Variants in CDK5RAP2 observed in about 807,000 individuals in gnomAD.
CDK5RAP2 encodes CDK5 regulatory subunit-associated protein 2.
A neutral mutation model predicts 232.9 loss-of-function variants in CDK5RAP2; 147 were observed. The ratio of observed to expected loss-of-function variants is 0.63; its 90% CI spans 0.55 to 0.72. The LOEUF is 0.72. CDK5RAP2 is among the 30% of genes least tolerant of loss of function. CDK5RAP2 has a pLI of 0.00. For synonymous variants in CDK5RAP2, 833 were observed against 833.7 expected (o/e 1.00, Z 0.01); for missense variants, 2,195 against 2,231.5 (o/e 0.98, Z 0.33).
chr9:120,558,409 T>C (rs1247188432), intron 3 of CDK5RAP2, among the ~76,000 whole-genome samples: 2 of 146,534 alleles, frequency 1.4e-5, no homozygotes, highest in Non-Finnish European at 3.0e-5. Flanking sequence ...AAGAATTTCT[T>C]TAAGGCAGTG....
chr9:120,493,774 G>C (rs772578823), intron 12 of CDK5RAP2, among the ~76,000 whole-genome samples: 1 of 152,098 alleles, frequency 6.6e-6, no homozygotes, highest in East Asian at 1.9e-4. Context: ...AAATTACATG[G>C]GGTAAAAAAA....
At chr9:120,412,887 G>A (rs2033936988) in intron 28 of CDK5RAP2, among the ~76,000 whole-genome samples, 2 of 152,224 alleles carry the variant, frequency 1.3e-5, no homozygotes, top group South Asian at 4.1e-4. Flanking sequence ...TACTCACTAT[G>A]TCTCACCCCA....
intron 28 of CDK5RAP2, among the ~76,000 whole-genome samples, chr9:120,413,979 G>A (rs1354067922): frequency 6.6e-6 from 1 of 152,202 alleles, no homozygotes; most frequent in East Asian, 1.9e-4. Context: ...CTGGACAAGG[G>A]TCCAAGGACT....
chr9:120,491,216 C>A (rs953034606), intron 13 of CDK5RAP2, 91 bp downstream of exon 13: 2 of 986,510 alleles, frequency 2.0e-6, no homozygotes. Flanking sequence ...GCAATGATTA[C>A]TGTAATCATA....
chr9:120,484,663 G>C (rs997640930), intron 14 of CDK5RAP2, among the ~76,000 whole-genome samples: 2 of 152,120 alleles, frequency 1.3e-5, no homozygotes, highest in African/African-American at 4.8e-5. Flanking sequence ...GGCGGAGGTT[G>C]CAGTGTGCCA....
At chr9:120,432,891 T>C (rs1011497979) in intron 25 of CDK5RAP2, among the ~76,000 whole-genome samples, 1 of 152,236 alleles carries the variant, frequency 6.6e-6, no homozygotes, top group Non-Finnish European at 1.5e-5. Context: ...GCCTGGAAGA[T>C]ACGGCTTTAT....
chr9:120,511,018 C>CT (rs2040055524), intron 12 of CDK5RAP2, among the ~76,000 whole-genome samples: 1 of 152,198 alleles, frequency 6.6e-6, no homozygotes, highest in Admixed American at 6.5e-5. Flanking sequence ...TCACTGCAAT[C>CT]ACAGGCAATT....
chr9:120,430,338 G>A (rs1457745470), intron 25 of CDK5RAP2, among the ~76,000 whole-genome samples: 2 of 151,878 alleles, frequency 1.3e-5, no homozygotes, highest in African/African-American at 2.4e-5. Context: ...TACAAAATGG[G>A]AGAAAATTTT....
At chr9:120,558,978 G>A (rs918240318) in intron 3 of CDK5RAP2, among the ~76,000 whole-genome samples, 14 of 152,212 alleles carry the variant, frequency 9.2e-5, no homozygotes, top group South Asian at 4.1e-4. Context: ...CACAGTAGAC[G>A]TTCAACAAAT....
intron 15 of CDK5RAP2, among the ~76,000 whole-genome samples, chr9:120,473,569 T>C (rs185716184): frequency 6.2e-4 from 94 of 152,346 alleles, no homozygotes; most frequent in Non-Finnish European, 1.1e-3. Flanking sequence ...TGTCTAATCT[T>C]CTATGCTTGC....
intron 12 of CDK5RAP2, among the ~76,000 whole-genome samples, chr9:120,518,204 T>TGAGA (rs1436096356): frequency 3.7e-5 from 4 of 107,264 alleles, no homozygotes; most frequent in African/African-American, 1.6e-4. Flanking sequence ...TGTGTGTGTG[T>TGAGA]GTGTGTGAGA....
At chr9:120,449,781 T>C (rs1312090974) in intron 21 of CDK5RAP2, among the ~76,000 whole-genome samples, 1 of 152,212 alleles carries the variant, frequency 6.6e-6, no homozygotes, top group Non-Finnish European at 1.5e-5. Flanking sequence ...TCAACATCAT[T>C]AGTCACCAAG....
intron 36 of CDK5RAP2, 100 bp from the exon 37 acceptor site, chr9:120,389,887 T>G: frequency 9.4e-7 from 1 of 1,069,030 alleles, no homozygotes; most frequent in Admixed American, 1.8e-5. Flanking sequence ...CCCAAAGGGC[T>G]CGGACATGTA....
At position 120,470,185 on chromosome 9, in the gene CDK5RAP2, A is replaced by G. The variant is rs571979787; in HGVS notation, c.1894T>C (p.Tyr632His). ...TTTTCTTCAAGGCAAATACTTAGAT[A>G]AGATGTTTGATCACTATAAAGTGAA... ...SFSLYSDQTS[Y>H]LSICLEENNR... The change falls in exon 17 of 38, where the codon TAT (tyrosine) becomes CAT (histidine). Residue 632 changes from tyrosine to histidine, a missense_variant. Transcript: ENST00000349780. 2 of 1,592,984 alleles carry G rather than the reference A, an allele frequency of 1.3e-6. No individual in the cohort carries two copies. The highest frequency in any genetic ancestry group is 1.7e-5 in the Admixed American group (1 of 59,186).
intron 23 of CDK5RAP2, 34 bp from the exon 24 acceptor site, chr9:120,440,006 T>C: frequency 6.3e-7 from 1 of 1,587,804 alleles, no homozygotes; most frequent in South Asian, 1.1e-5. Context: ...CAGTATCTCT[T>C]TTACTAAAAT....
At chr9:120,560,868 T>G (rs1253978557) in intron 3 of CDK5RAP2, among the ~76,000 whole-genome samples, 1 of 152,054 alleles carries the variant, frequency 6.6e-6, no homozygotes, top group Non-Finnish European at 1.5e-5. Context: ...ATGCCCGCCT[T>G]GACTTCCCAA....
intron 18 of CDK5RAP2, among the ~76,000 whole-genome samples, chr9:120,467,277 T>C (rs1258039794): frequency 6.6e-6 from 1 of 152,238 alleles, no homozygotes; most frequent in East Asian, 1.9e-4. Flanking sequence ...TCAAATTATC[T>C]GGGTGGTTTG....
rs1357475298 is a variant in CDK5RAP2 at position 120,406,934 on chromosome 9, ATCAT to A, written c.4963+74_4963+77del. 6.5e-6 allele frequency: 7 copies of A among 1,079,242 alleles called. No homozygotes were observed. The East Asian group carries it at 1.7e-4, about 26-fold the overall frequency. The allele number at this position is 1,079,242 out of a possible 1,614,324, so 66.9% of individuals were successfully genotyped here. A position where few individuals can be genotyped will look rare whatever the true frequency, so the allele number is the denominator to read the frequency against. On this transcript the variant is annotated intron_variant, in intron 32 of 37. Coordinates refer to ENST00000349780, the MANE Select transcript of CDK5RAP2 (RefSeq NM_018249.6). ...AAAGACACCTCTGTGGGGCAAAGGC[ATCAT>A]TCAGAAGTTCACATGTCACACACAG... is the stretch of plus-strand genomic sequence containing the variant.
At chr9:120,519,274 ACT>A (rs2040510811) in intron 11 of CDK5RAP2, among the ~76,000 whole-genome samples, 1 of 152,024 alleles carries the variant, frequency 6.6e-6, no homozygotes, top group Non-Finnish European at 1.5e-5. Flanking sequence ...TTTTGTCATA[ACT>A]CTGTATTTTC....
Sources: gnomAD v4.1 joint callset for allele counts (sites outside exome capture counted in the v4.1 genomes callset) on GRCh38, gnomAD v4.1.1 for gene constraint, MANE v1.5 for transcripts, NCBI Gene and HGNC (gene_info 2026-07-23, HGNC 2026-07-21) for gene names.